The following PLAG1 variants were observed in gnomAD, a reference collection of about 807,000 sequenced individuals.
PLAG1 encodes PLAG1 zinc finger, also known as zinc finger protein PLAG1.
Under a neutral mutation model 35.5 loss-of-function variants are expected in PLAG1, and 7 were observed. The ratio of observed to expected loss-of-function variants is 0.20; its 90% confidence interval spans 0.11 to 0.37. PLAG1 has a LOEUF of 0.37. Among genes scored for constraint, PLAG1 ranks in the 10% least tolerant of loss-of-function variants. The probability of loss-of-function intolerance (pLI) is 1.00; values close to 1 mark genes in which losing one functional copy is unlikely to be tolerated. For missense variants in PLAG1, 454 were observed against 602.8 expected, an observed-to-expected ratio of 0.75 and a Z score of 2.58; for synonymous variants, 229 against 225.4, an observed-to-expected ratio of 1.02 and a Z score of -0.14.
chr8:56,176,033 CCCTTTT>C (rs1336209528), intron 2 of PLAG1, among the ~76,000 whole-genome samples: 2 of 149,472 alleles, frequency 1.3e-5, no homozygotes, highest in Non-Finnish European at 3.0e-5. Flanking sequence ...TTTGAAAACT[CCCTTTT>C]CCTTTTCTTT....
chr8:56,189,327 T>C (rs1001194208), intron 1 of PLAG1, among the ~76,000 whole-genome samples: 17 of 152,240 alleles, frequency 1.1e-4, no homozygotes, highest in African/African-American at 4.1e-4. Context: ...CTTTCTTGAC[T>C]TGGCCCACCC....
rs1237185381 is a variant in PLAG1 at position 56,211,264 on chromosome 8, T to C, written c.-465A>G. 1.2e-5 allele frequency: 2 copies of C among 170,474 alleles called. No homozygotes were observed. The highest frequency in any genetic ancestry group is 2.4e-5 in the Non-Finnish European group (2 of 82,532). 10.6% of individuals were successfully genotyped at this position (170,474 alleles called of 1,614,324 possible). On this transcript the variant is annotated 5_prime_UTR_variant, in exon 1 of 5. Transcript: ENST00000316981. ...TTACGCCTCTTTCCAGCAGCCATTG[T>C]AGTGTATGCGCTGCCCCTGCAGCCC... is the stretch of plus-strand genomic sequence containing the variant.
intron 1 of PLAG1, among the ~76,000 whole-genome samples, chr8:56,187,821 T>C (rs1812065977): frequency 6.6e-6 from 1 of 152,174 alleles, no homozygotes; most frequent in South Asian, 2.1e-4. Context: ...CTCATCTCTG[T>C]GGCATAGGCA....
intron 1 of PLAG1, among the ~76,000 whole-genome samples, chr8:56,194,825 G>A (rs539323188): frequency 2.0e-5 from 3 of 152,262 alleles, no homozygotes; most frequent in East Asian, 1.9e-4. Context: ...ACTCTGAACC[G>A]TTTTGGTCTG....
chr8:56,180,413 A>C (rs907188164), intron 1 of PLAG1, among the ~76,000 whole-genome samples: 11 of 152,214 alleles, frequency 7.2e-5, no homozygotes, highest in African/African-American at 2.4e-4. Flanking sequence ...AGGAGCACAC[A>C]GGTTAGTTGT....
At chr8:56,203,521 A>C (rs1198164717) in intron 1 of PLAG1, among the ~76,000 whole-genome samples, 1 of 152,134 alleles carries the variant, frequency 6.6e-6, no homozygotes, top group Non-Finnish European at 1.5e-5. Flanking sequence ...GATGTGCTTA[A>C]CATACAGCAT....
At chr8:56,198,409 C>T (rs999261998) in intron 1 of PLAG1, among the ~76,000 whole-genome samples, 39 of 152,302 alleles carry the variant, frequency 2.6e-4, no homozygotes, top group Admixed American at 1.8e-3. Context: ...AAGGAGGTGA[C>T]GGGAGCACCC....
At position 56,164,503 on chromosome 8, in the gene PLAG1, CA is replaced by C. The variant is rs1811297266; in HGVS notation, c.*1739del. The C allele has an allele frequency of 4.5e-6, 1 of 223,632 alleles. No individual in the cohort carries two copies. The allele number at this position is 223,632 out of a possible 1,614,324, so 13.9% of individuals were successfully genotyped here. A position where few individuals can be genotyped will look rare whatever the true frequency, so the allele number is the denominator to read the frequency against. ...CAATCTGCAGTGATAACTGGCCCTA[CA>C]AAAAGGAAAGAAGTTTCCATATAGG... On this transcript the variant is annotated 3_prime_UTR_variant, in exon 5 of 5. Transcript: ENST00000316981.
chr8:56,189,673 T>C (rs1017189184), intron 1 of PLAG1, among the ~76,000 whole-genome samples: 1 of 152,038 alleles, frequency 6.6e-6, no homozygotes, highest in African/African-American at 2.4e-5. Flanking sequence ...TTAGGTACAG[T>C]GGGAATTCAC....
At position 56,167,956 on chromosome 8, in the gene PLAG1, ATACGTT is replaced by A; in HGVS notation, c.242+66_242+71del. On this transcript the variant is annotated intron_variant, in intron 4 of 4. Transcript: ENST00000316981. This position sits in a 1 kb window ranked among gnomAD's most constrained non-coding sequence, Gnocchi z 5.9. ...AGCTGAAAAATGTGTATACAAATACATACGTTTACAATGGCTTCAAACAGCCAACAT... is the reference window on the plus strand; with the variant it reads ...AGCTGAAAAATGTGTATACAAATACATACAATGGCTTCAAACAGCCAACAT... 1 of 821,576 alleles carries A rather than the reference ATACGTT, an allele frequency of 1.2e-6. No individual in the cohort carries two copies. Among genetic ancestry groups the A allele is most frequent in the East Asian group, 2.5e-5 (1 of 40,506 alleles). 50.9% of individuals were successfully genotyped at this position (821,576 alleles called of 1,614,324 possible).
At chr8:56,208,213 T>TA (rs1812750507) in intron 1 of PLAG1, among the ~76,000 whole-genome samples, 1 of 152,128 alleles carries the variant, frequency 6.6e-6, no homozygotes, top group Non-Finnish European at 1.5e-5. Context: ...TGAGCCAAAA[T>TA]ACAATGAAAA....
chr8:56,166,692 A>G lies in PLAG1; in HGVS notation c.1054T>C (p.Leu352=), dbSNP rs768547260. ...AISIPEKEQP[L]KGEIESYLME... The stretch of plus-strand genomic sequence containing the variant: ...AGGTAACTCTCAATTTCCCCCTTTA[A>G]TGGCTGTTCTTTTTCAGGAATAGAA... Residue 352 remains leucine, a synonymous_variant, in exon 5 of 5, where the codon TTA becomes CTA. Coordinates refer to ENST00000316981, the MANE Select transcript of PLAG1 (RefSeq NM_002655.3). 3.1e-6 allele frequency: 5 copies of G among 1,614,076 alleles called. No individual in the cohort carries two copies. Among genetic ancestry groups the G allele is most frequent in the South Asian group, 1.1e-5 (1 of 91,082 alleles).
chr8:56,172,827 T>C (rs1048069442), intron 2 of PLAG1, among the ~76,000 whole-genome samples: 1 of 152,210 alleles, frequency 6.6e-6, no homozygotes, highest in Non-Finnish European at 1.5e-5. Context: ...AAAGAGGGGA[T>C]AGTGCCTATT....
At chr8:56,174,032 ATTTT>A (rs1156813620) in intron 2 of PLAG1, among the ~76,000 whole-genome samples, 2 of 152,164 alleles carry the variant, frequency 1.3e-5, no homozygotes, top group African/African-American at 4.8e-5. Context: ...AGAGCTGTGA[ATTTT>A]TTCACTTACC....
In PLAG1 at chr8:56,163,698, C is replaced by CAT. The variant is rs992508851; in HGVS notation, c.*2543_*2544dup. 5.3e-6 allele frequency: 1 copy of CAT among 189,686 alleles called. No homozygotes were observed. The highest frequency in any genetic ancestry group is 1.1e-5 in the Non-Finnish European group (1 of 90,360). 11.8% of individuals were successfully genotyped at this position (189,686 alleles called of 1,614,324 possible). ...GTATATATACACACACACACACACA[C>CAT]ATACACATACATACATATATGGCGC... On this transcript the variant is annotated 3_prime_UTR_variant, in exon 5 of 5. Coordinates refer to ENST00000316981, the MANE Select transcript of PLAG1 (RefSeq NM_002655.3).
intron 1 of PLAG1, among the ~76,000 whole-genome samples, chr8:56,185,777 G>A (rs535782977): frequency 4.6e-5 from 7 of 152,296 alleles, no homozygotes; most frequent in Admixed American, 3.3e-4. Flanking sequence ...TGAGACCTAC[G>A]GATGATAAAT....
chr8:56,181,433 C>T (rs36187855), intron 1 of PLAG1, among the ~76,000 whole-genome samples: 32,997 of 151,944 alleles, frequency 0.22, 4,017 homozygotes, highest in African/African-American at 0.32. Flanking sequence ...TGGATGAAGC[C>T]GGAAACCATC....
At chr8:56,201,299 A>G (rs186630388) in intron 1 of PLAG1, among the ~76,000 whole-genome samples, 129 of 152,370 alleles carry the variant, frequency 8.5e-4, no homozygotes, top group Admixed American at 4.8e-3. Context: ...CCATTCAAAA[A>G]TTTGGGGAAA....
intron 1 of PLAG1, among the ~76,000 whole-genome samples, chr8:56,195,004 C>T (rs1462936203): frequency 1.3e-5 from 2 of 151,952 alleles, no homozygotes; most frequent in African/African-American, 2.4e-5. Context: ...GGGTGGTGAG[C>T]GAAGAAGCTG....
Sources: gnomAD v4.1 joint callset for allele counts (sites outside exome capture counted in the v4.1 genomes callset) on GRCh38, gnomAD v4.1.1 for gene constraint, Gnocchi (gnomAD v3.1) non-coding constraint, MANE v1.5 for transcripts, NCBI Gene and HGNC (gene_info 2026-07-23, HGNC 2026-07-21) for gene names.